DMTF1: variants seen among roughly 807,000 people sequenced by gnomAD.
DMTF1 encodes the protein cyclin D binding myb like transcription factor 1.
DMTF1 carries 39 observed loss-of-function variants against 91.1 expected under a neutral mutation model. That is an observed-to-expected ratio of 0.43 (90% CI 0.33 to 0.56). DMTF1 has a LOEUF of 0.56. Among genes scored for constraint, DMTF1 ranks in the 20% least tolerant of loss-of-function variants. The probability of loss-of-function intolerance (pLI) is 0.05; values close to 1 mark genes in which losing one functional copy is unlikely to be tolerated. For missense variants in DMTF1, 750 were observed against 914.5 expected, an observed-to-expected ratio of 0.82 and a Z score of 2.32; for synonymous variants, 338 against 309.5, an observed-to-expected ratio of 1.09 and a Z score of -0.97.
intron 7 of DMTF1, among the ~76,000 whole-genome samples, chr7:87,176,014 A>C (rs562363323): frequency 6.6e-6 from 1 of 152,296 alleles, no homozygotes; most frequent in East Asian, 1.9e-4. Context: ...TGTTATGTCT[A>C]AAATGTAGAT....
intron 8 of DMTF1, among the ~76,000 whole-genome samples, chr7:87,180,024 T>C (rs1221333059): frequency 2.0e-5 from 3 of 152,210 alleles, no homozygotes; most frequent in African/African-American, 7.2e-5. Context: ...AATTTATTGG[T>C]AACATTTTTC....
At chr7:87,166,869 T>A (rs753234145) in intron 4 of DMTF1, among the ~76,000 whole-genome samples, 1 of 152,324 alleles carries the variant, frequency 6.6e-6, no homozygotes, top group East Asian at 1.9e-4. Context: ...TATTCCTGAT[T>A]GTGCTTTTCA....
At chr7:87,193,381 G>A in intron 15 of DMTF1, 28 bp downstream of exon 15, 2 of 1,610,772 alleles carry the variant, frequency 1.2e-6, no homozygotes, top group Non-Finnish European at 1.7e-6. Flanking sequence ...CTTGATTTTT[G>A]AGTACCTGTT....
intron 15 of DMTF1, 100 bp downstream of exon 15, chr7:87,193,453 ACT>A: frequency 8.1e-7 from 1 of 1,233,968 alleles, no homozygotes; most frequent in Non-Finnish European, 1.2e-6. Flanking sequence ...AGTTCTTCCT[ACT>A]GCTGCTGTTC....
intron 1 of DMTF1, among the ~76,000 whole-genome samples, chr7:87,153,315 C>T (rs1360207745): frequency 6.6e-6 from 1 of 152,098 alleles, no homozygotes; most frequent in Non-Finnish European, 1.5e-5. Flanking sequence ...GTTGTAATTA[C>T]CCTATTGTGC....
intron 1 of DMTF1, among the ~76,000 whole-genome samples, chr7:87,160,276 CTTTT>C (rs753441691): frequency 5.9e-5 from 8 of 134,644 alleles, no homozygotes; most frequent in Admixed American, 7.5e-5. Context: ...TTTGTCATTT[CTTTT>C]TTTTTTTTTT....
rs1797998117 is a variant in DMTF1 at position 87,184,450 on chromosome 7, A to T, written c.874A>T (p.Thr292Ser). ...ACTTGCAGAAGTGGTTCATGAGTTG[A>T]CAAGCACTGAGCCAGGTGACATAGT... ...KRLAEVVHEL[T>S]STEPGDIVTQ... Residue 292 changes from threonine to serine, a missense_variant, in exon 11 of 18, where the codon ACA (threonine) becomes TCA (serine). This residue lies in a region of DMTF1 where 190 missense variants were observed against 343.8 expected (regional missense o/e 0.55). Coordinates refer to ENST00000331242, the MANE Select transcript of DMTF1 (RefSeq NM_001142327.2). 1.2e-6 allele frequency: 2 copies of T among 1,614,016 alleles called. No homozygotes were observed. Among genetic ancestry groups the T allele is most frequent in the Non-Finnish European group, 1.7e-6 (2 of 1,179,946 alleles).
chr7:87,186,096 T>A, intron 12 of DMTF1, 116 bp downstream of exon 12: 2 of 1,072,992 alleles, frequency 1.9e-6, no homozygotes, highest in East Asian at 2.4e-5. Flanking sequence ...GATTTCTACT[T>A]ACACCACTTC....
Position 87,195,044 on chromosome 7 carries a change from A to T in DMTF1, c.2187A>T (p.Gln729His), listed in dbSNP as rs769575108. The change falls in exon 18 of 18, where the codon CAA (glutamine) becomes CAT (histidine). Residue 729 changes from glutamine to histidine, a missense_variant. By Grantham distance (24) the Gln-to-His change is conservative. Transcript: ENST00000331242. ...AACTCATTACAGATCCCATACTCCA[A>T]CATCATCAGGAAGAATCAAATATCA... ...PLTTLTDPIL[Q>H]HHQEESNIIG... 1 of 1,611,382 alleles carries T rather than the reference A, an allele frequency of 6.2e-7. No individual in the cohort carries two copies. The highest frequency in any genetic ancestry group is 1.3e-5 in the African/African-American group (1 of 74,770).
intron 1 of DMTF1, among the ~76,000 whole-genome samples, chr7:87,156,061 G>A (rs1288539465): frequency 1.3e-5 from 2 of 152,096 alleles, no homozygotes; most frequent in African/African-American, 4.8e-5. Flanking sequence ...AATCACAGGT[G>A]TCTGGTGATA....
At chr7:87,182,396 G>A in intron 10 of DMTF1, 59 bp downstream of exon 10, 2 of 1,538,654 alleles carry the variant, frequency 1.3e-6, no homozygotes, top group Non-Finnish European at 1.8e-6. Flanking sequence ...CTGCCCCTTA[G>A]GATACTGCCT....
rs150977440 is a variant in DMTF1, at chr7:87,193,838, A to G, written c.1764A>G (p.Glu588=). 439 of 1,613,292 alleles carry G rather than the reference A, an allele frequency of 2.7e-4. No individual in the cohort carries two copies. Among genetic ancestry groups the G allele is most frequent in the Non-Finnish European group, 3.6e-4 (426 of 1,179,622 alleles). The part of the protein sequence containing the change: ...EDITSSISQA[E]LTVDSDIQSS... Reference sequence around the variant, plus strand: ...TCACTTCTTCCATATCCCAAGCAGAACTGACAGTCGATAGTGATATTCAGT... The same window carrying G: ...TCACTTCTTCCATATCCCAAGCAGAGCTGACAGTCGATAGTGATATTCAGT... The change falls in exon 16 of 18, where the codon GAA becomes GAG. Residue 588 remains glutamate (E), a synonymous_variant. Transcript: ENST00000331242.
At chr7:87,156,703 A>G (rs904146978) in intron 1 of DMTF1, among the ~76,000 whole-genome samples, 5 of 152,124 alleles carry the variant, frequency 3.3e-5, no homozygotes, top group Admixed American at 1.3e-4. Context: ...TTTGTTACCT[A>G]TTATCTTCCA....
intron 3 of DMTF1, 36 bp from the exon 4 acceptor site, chr7:87,166,447 G>T: frequency 1.3e-6 from 2 of 1,585,196 alleles, no homozygotes; most frequent in Non-Finnish European, 1.7e-6. Context: ...TCCCTCTTTG[G>T]TTTGAAATTT....
chr7:87,182,762 A>T (rs1217494349), intron 10 of DMTF1, among the ~76,000 whole-genome samples: 1 of 152,256 alleles, frequency 6.6e-6, no homozygotes, highest in Admixed American at 6.5e-5. Context: ...CCAAATTAGG[A>T]AGAAGCTGTG....
rs1797347741 is a variant in DMTF1, at chr7:87,181,361, T to C, written c.710+20T>C. 1.7e-6 allele frequency: 2 copies of C among 1,184,096 alleles called. No individual in the cohort carries two copies. Among genetic ancestry groups the C allele is most frequent in the Non-Finnish European group, 2.4e-6 (2 of 821,590 alleles). 73.3% of individuals were successfully genotyped at this position (1,184,096 alleles called of 1,614,324 possible). ...CAAGGAGTAAGTTTTAAAGTTTTTT[T>C]CATTAATTCTAATTTTTTATGTCTT... On this transcript the variant is annotated intron_variant, in intron 9 of 17. Coordinates refer to ENST00000331242, the MANE Select transcript of DMTF1 (RefSeq NM_001142327.2).
intron 9 of DMTF1, chr7:87,181,881 T>G (rs748706762): frequency 9.3e-5 from 48 of 515,244 alleles, no homozygotes; most frequent in Non-Finnish European, 1.4e-4. Flanking sequence ...ACTTTAGATG[T>G]CTAAAGAAGA....
At chr7:87,174,692 G>GT in intron 7 of DMTF1, 23 bp downstream of exon 7, 1 of 1,553,722 alleles carries the variant, frequency 6.4e-7, no homozygotes, top group Non-Finnish European at 8.8e-7. Flanking sequence ...ATATTTTTAT[G>GT]TTTCACCAAT....
chr7:87,186,168 A>C, intron 12 of DMTF1, 188 bp downstream of exon 12: 4 of 571,140 alleles, frequency 7.0e-6, no homozygotes, highest in Non-Finnish European at 1.2e-5. Context: ...TGTAATTCCT[A>C]AAGCCCCTAA....
Sources: gnomAD v4.1 joint callset for allele counts (sites outside exome capture counted in the v4.1 genomes callset) on GRCh38, gnomAD v4.1.1 for gene constraint, gnomAD v4.1.1 regional missense constraint, MANE v1.5 for transcripts, NCBI Gene and HGNC (gene_info 2026-07-23, HGNC 2026-07-21) for gene names.